The following NCS1 variants were observed in gnomAD, a reference collection of about 807,000 sequenced individuals.
NCS1 encodes neuronal calcium sensor 1.
In NCS1, 6 loss-of-function variants were observed where a neutral mutation model predicts 28.4. The observed-to-expected ratio is 0.21, with a 90% CI of 0.12 to 0.42. The LOEUF (loss-of-function observed/expected upper bound fraction) is 0.42, where lower values mean the gene tolerates loss of function less well. NCS1 is among the 10% of genes least tolerant of loss of function. NCS1 has a pLI of 1.00. For missense variants in NCS1, 131 were observed against 241.4 expected (o/e 0.54, Z 3.03); for synonymous variants, 86 against 99.3 (o/e 0.87, Z 0.79).
At chr9:130,189,279 G>A (rs1331697558) in intron 1 of NCS1, among the ~76,000 whole-genome samples, 7 of 152,198 alleles carry the variant, frequency 4.6e-5, no homozygotes, top group Admixed American at 2.0e-4. Flanking sequence ...CCATTTTACA[G>A]CTAAGGAAAC....
chr9:130,178,579 C>T (rs907550479), intron 1 of NCS1, among the ~76,000 whole-genome samples: 3 of 152,150 alleles, frequency 2.0e-5, no homozygotes, highest in Admixed American at 6.5e-5. Flanking sequence ...CCCATGTCAC[C>T]CTCTGAGAGG....
At chr9:130,200,281 G>A (rs1832923780) in intron 1 of NCS1, among the ~76,000 whole-genome samples, 1 of 152,228 alleles carries the variant, frequency 6.6e-6, no homozygotes, top group Non-Finnish European at 1.5e-5. Flanking sequence ...AAACGATTCT[G>A]TACTTTTCAG....
rs192576994 is a variant in NCS1, at chr9:130,191,134, G to A, written c.65-9824G>A. Among the ~76,000 whole-genome samples the A allele has an allele frequency of 3.9e-4, 59 of 152,310 alleles. 1 individual carries two copies. Among genetic ancestry groups the A allele is most frequent in the African/African-American group, 1.3e-3 (52 of 41,566 alleles). ...TATCCTCTCGTTGGCCCCTGACAGC[G>A]GGGCAGGGAGCACGCTGACCCAGGC... On this transcript the variant is annotated intron_variant, in intron 1 of 7. Coordinates refer to ENST00000372398, the MANE Select transcript of NCS1 (RefSeq NM_014286.4). This position sits in a 1 kb window ranked among gnomAD's most constrained non-coding sequence, Gnocchi z 6.4.
At chr9:130,189,248 G>A (rs558084325) in intron 1 of NCS1, among the ~76,000 whole-genome samples, 2 of 152,288 alleles carry the variant, frequency 1.3e-5, no homozygotes, top group African/African-American at 2.4e-5. Context: ...TGCAAGAAAC[G>A]TATTGTGACC....
intron 7 of NCS1, among the ~76,000 whole-genome samples, chr9:130,228,564 GAAT>G (rs1833450584): frequency 1.3e-5 from 2 of 151,814 alleles, no homozygotes; most frequent in Non-Finnish European, 2.9e-5. Context: ...TGCATTCTTA[GAAT>G]AAACTCCACT....
At chr9:130,199,138 G>T (rs558499600) in intron 1 of NCS1, among the ~76,000 whole-genome samples, 3 of 151,550 alleles carry the variant, frequency 2.0e-5, no homozygotes, top group South Asian at 4.2e-4. Flanking sequence ...CTGTCACCCA[G>T]GCTGGAGTGC....
At chr9:130,198,633 TC>T (rs1338186300) in intron 1 of NCS1, among the ~76,000 whole-genome samples, 1 of 152,172 alleles carries the variant, frequency 6.6e-6, no homozygotes, top group Admixed American at 6.5e-5. Flanking sequence ...GGGTCACACC[TC>T]CCTGTGGGGT....
At chr9:130,178,848 TCCCC>T (rs1832613404) in intron 1 of NCS1, among the ~76,000 whole-genome samples, 4 of 6,152 alleles carry the variant, frequency 6.5e-4, no homozygotes, top group Non-Finnish European at 1.2e-3. Context: ...TCCCCTCCCC[TCCCC>T]TCCCCTCCCC....
At chr9:130,176,147 T>TTTCTTTCC (rs1832562271) in intron 1 of NCS1, among the ~76,000 whole-genome samples, 1 of 54,276 alleles carries the variant, frequency 1.8e-5, no homozygotes, top group Non-Finnish European at 3.2e-5. Context: ...ATTTTCTTTC[T>TTTCTTTCC]TTCTTTCTTT....
rs527898193 is a variant in NCS1, at chr9:130,204,561, C to T, written c.89+3579C>T. Among the ~76,000 whole-genome samples, 10 of 152,282 alleles carry T rather than the reference C, an allele frequency of 6.6e-5. No individual in the cohort carries two copies. The South Asian group carries it at 1.2e-3, about 19-fold the overall frequency. ...GACTCAGCCTCCCGAGTAGCTGAGACGGCAGGTGCGAGCCACTGCGCCCGC... is the reference window on the plus strand; with the variant it reads ...GACTCAGCCTCCCGAGTAGCTGAGATGGCAGGTGCGAGCCACTGCGCCCGC... On this transcript the variant is annotated intron_variant, in intron 2 of 7. Coordinates refer to ENST00000372398, the MANE Select transcript of NCS1 (RefSeq NM_014286.4).
At position 130,181,443 on chromosome 9, in the gene NCS1, T is replaced by C. The variant is rs1258425865; in HGVS notation, c.64+8716T>C. Among the ~76,000 whole-genome samples the C allele has an allele frequency of 6.6e-6, 1 of 152,174 alleles. No individual in the cohort carries two copies. The highest frequency in any genetic ancestry group is 6.5e-5 in the Admixed American group (1 of 15,286). ...AGAATCTGGTATTAGGCATGTTCCG[T>C]GTGACCCAGGCCTGTCCTTGGTGTT... On this transcript the variant is annotated intron_variant, in intron 1 of 7. Transcript: ENST00000372398. This position sits in a 1 kb window ranked among gnomAD's most constrained non-coding sequence, Gnocchi z 5.0.
Position 130,226,285 on chromosome 9 carries a change from T to C in NCS1, c.475-104T>C. The C allele has an allele frequency of 1.0e-6, 1 of 965,454 alleles. No individual in the cohort carries two copies. Among genetic ancestry groups the C allele is most frequent in the Non-Finnish European group, 1.6e-6 (1 of 617,152 alleles). 59.8% of individuals were successfully genotyped at this position (965,454 alleles called of 1,614,324 possible). A position where few individuals can be genotyped will look rare whatever the true frequency, so the allele number is the denominator to read the frequency against. ...GCCCTGAGCCACGTTGCCTCCCTCC[T>C]GATCTAACCTTGGAAGGGCTCTTGG... On this transcript the variant is annotated intron_variant, in intron 6 of 7. Transcript: ENST00000372398. The surrounding 1 kb of genome is among the most constrained non-coding windows in gnomAD (Gnocchi z 4.8).
rs552109625 is a variant in NCS1, at chr9:130,209,106, A to C, written c.89+8124A>C. 6.6e-6 allele frequency among the ~76,000 whole-genome samples: 1 copy of C among 152,246 alleles called. No individual in the cohort carries two copies. The highest frequency in any genetic ancestry group is 1.9e-4 in the East Asian group (1 of 5,180). On this transcript the variant is annotated intron_variant, in intron 2 of 7. Transcript: ENST00000372398. This position sits in a 1 kb window ranked among gnomAD's most constrained non-coding sequence, Gnocchi z 4.4. ...GCATGCCACTGGAGAGAGTTGTTTG[A>C]AGAGATAATGGGAGAATAATTTGCC...
At chr9:130,220,815 G>T (rs1833272927) in intron 4 of NCS1, among the ~76,000 whole-genome samples, 1 of 149,026 alleles carries the variant, frequency 6.7e-6, no homozygotes, top group Non-Finnish European at 1.5e-5. Flanking sequence ...TCCTCTCAAT[G>T]CACTATTTTA....
intron 1 of NCS1, among the ~76,000 whole-genome samples, chr9:130,183,233 C>T (rs1832688494): frequency 6.6e-6 from 1 of 152,178 alleles, no homozygotes; most frequent in Non-Finnish European, 1.5e-5. Context: ...GGGCCGCAGT[C>T]TCTCCATCTG....
At chr9:130,217,100 G>A (rs1833201980) in intron 2 of NCS1, among the ~76,000 whole-genome samples, 1 of 152,216 alleles carries the variant, frequency 6.6e-6, no homozygotes, top group South Asian at 2.1e-4. Flanking sequence ...CCCTTGTTAT[G>A]GATGAGGAAA....
At chr9:130,217,539 T>G (rs1833207005) in intron 2 of NCS1, among the ~76,000 whole-genome samples, 1 of 152,226 alleles carries the variant, frequency 6.6e-6, no homozygotes, top group African/African-American at 2.4e-5. Context: ...AGCACAGGGC[T>G]GGGTGGCCAA....
chr9:130,203,095 T>C (rs1296007460), intron 2 of NCS1, among the ~76,000 whole-genome samples: 2 of 150,300 alleles, frequency 1.3e-5, no homozygotes, highest in Non-Finnish European at 2.9e-5. Context: ...CACATACATA[T>C]ATATGTGTGT....
intron 4 of NCS1, among the ~76,000 whole-genome samples, chr9:130,221,104 A>G (rs1833278946): frequency 1.3e-5 from 2 of 151,758 alleles, no homozygotes; most frequent in South Asian, 2.1e-4. Context: ...GCCCACTACA[A>G]TCTCTGCCTC....
Sources: gnomAD v4.1 joint callset for allele counts (sites outside exome capture counted in the v4.1 genomes callset) on GRCh38, gnomAD v4.1.1 for gene constraint, Gnocchi (gnomAD v3.1) non-coding constraint, MANE v1.5 for transcripts, NCBI Gene and HGNC (gene_info 2026-07-23, HGNC 2026-07-21) for gene names.